The following ATP10A variants were observed in gnomAD, a reference collection of about 807,000 sequenced individuals.
The protein encoded by ATP10A is phospholipid-transporting ATPase VA.
In ATP10A, 111 loss-of-function variants were observed where a neutral mutation model predicts 147.8. The ratio of observed to expected loss-of-function variants is 0.75; its 90% confidence interval spans 0.64 to 0.88. ATP10A has a LOEUF of 0.88. Ranked by LOEUF, ATP10A falls within the 40% of genes least tolerant of loss-of-function variation. ATP10A has a pLI of 0.00. For synonymous variants in ATP10A, 875 were observed against 841.6 expected, an observed-to-expected ratio of 1.04 and a Z score of -0.69; for missense variants, 1,927 against 1,959.0, an observed-to-expected ratio of 0.98 and a Z score of 0.31.
intron 2 of ATP10A, among the ~76,000 whole-genome samples, chr15:25,752,675 G>A (rs945721228): frequency 3.7e-4 from 57 of 152,246 alleles, no homozygotes; most frequent in African/African-American, 1.3e-3. Flanking sequence ...TAAATTTGAG[G>A]ATTGCCTTTT....
intron 9 of ATP10A, among the ~76,000 whole-genome samples, chr15:25,715,784 C>T (rs920204596): frequency 6.6e-6 from 1 of 152,206 alleles, no homozygotes; most frequent in Non-Finnish European, 1.5e-5. Context: ...CACCCCACAT[C>T]GCCTGCGGAG....
intron 2 of ATP10A, among the ~76,000 whole-genome samples, chr15:25,767,394 A>T (rs1889084501): frequency 6.6e-6 from 1 of 152,108 alleles, no homozygotes. Context: ...ACCTGGATGA[A>T]CCAGGGCTCA....
At chr15:25,722,002 CG>C in intron 6 of ATP10A, 93 bp from the exon 7 acceptor site, 1 of 1,375,494 alleles carries the variant, frequency 7.3e-7, no homozygotes, top group Non-Finnish European at 1.0e-6. Context: ...TGACTACAAC[CG>C]CAAGAAAGTA....
At chr15:25,812,396 A>G (rs2140820897) in intron 1 of ATP10A, among the ~76,000 whole-genome samples, 1 of 152,322 alleles carries the variant, frequency 6.6e-6, no homozygotes, top group East Asian at 1.9e-4. Context: ...TGGTTGCTAC[A>G]CAATCACTTT....
chr15:25,798,049 A>C (rs1327820124), intron 1 of ATP10A, among the ~76,000 whole-genome samples: 1 of 152,124 alleles, frequency 6.6e-6, no homozygotes, highest in African/African-American at 2.4e-5. Flanking sequence ...TCAGGGTCAC[A>C]AATCTGGAAT....
intron 2 of ATP10A, among the ~76,000 whole-genome samples, chr15:25,740,391 C>T (rs1219102564): frequency 2.0e-5 from 3 of 152,240 alleles, no homozygotes; most frequent in Non-Finnish European, 4.4e-5. Context: ...AGGTGGAAAT[C>T]TGTGAGTGAG....
intron 9 of ATP10A, among the ~76,000 whole-genome samples, chr15:25,714,769 CA>C (rs1901680456): frequency 6.6e-6 from 1 of 152,002 alleles, no homozygotes; most frequent in Non-Finnish European, 1.5e-5. Flanking sequence ...ATTTTTTTTC[CA>C]ATTAAAAAGT....
intron 1 of ATP10A, among the ~76,000 whole-genome samples, chr15:25,784,688 G>T (rs1567381801): frequency 2.0e-5 from 3 of 152,166 alleles, no homozygotes; most frequent in Non-Finnish European, 4.4e-5. Flanking sequence ...ACTTTGGGAG[G>T]CCAAGACGGG....
rs373248546 is a variant in ATP10A, at chr15:25,795,809, G to T, written c.450-14586C>A. The stretch of plus-strand genomic sequence containing the variant: ...GCGTTAGAGGTGGGGCCTCATGGGA[G>T]GTGTCTGGGTCGTGGGGGTGGATCC... On this transcript the variant is annotated intron_variant, in intron 1 of 20. Coordinates refer to ENST00000555815, the MANE Select transcript of ATP10A (RefSeq NM_024490.4). 9.2e-5 allele frequency among the ~76,000 whole-genome samples: 14 copies of T among 152,296 alleles called. No homozygotes were observed. The East Asian group carries it at 1.2e-3, about 13-fold the overall frequency.
rs1900044761 is a variant in ATP10A at position 25,691,695 on chromosome 15, A to G, written c.3165+20T>C. The G allele has an allele frequency of 1.9e-6, 3 of 1,613,950 alleles. No homozygotes were observed. In the South Asian group the frequency reaches 3.3e-5, roughly 18 times the overall value. On this transcript the variant is annotated intron_variant, in intron 15 of 20. Coordinates refer to ENST00000555815, the MANE Select transcript of ATP10A (RefSeq NM_024490.4). The stretch of plus-strand genomic sequence containing the variant: ...CAGTAGGGCCAATTGGTCACACAGA[A>G]TAGCCTGATTGGTCTTTACCTGCAT...
chr15:25,703,027 G>T (rs748854050), intron 12 of ATP10A, among the ~76,000 whole-genome samples: 3 of 152,112 alleles, frequency 2.0e-5, no homozygotes, highest in Non-Finnish European at 4.4e-5. Flanking sequence ...AGGTCATGAG[G>T]ATGGGGCTCC....
In ATP10A at chr15:25,714,158, T is replaced by C. The variant is rs1567324660; in HGVS notation, c.1860A>G (p.Ser620=). The change falls in exon 10 of 21, where the codon TCA becomes TCG. Residue 620 remains serine (S), a synonymous_variant. Transcript: ENST00000555815. ...LRRFTPSCLT[S]GCSSIGSLAA... is the part of the protein sequence containing the mutation. The stretch of plus-strand genomic sequence containing the variant: ...CCAGGCTCCCGATGCTGCTGCAGCC[T>C]GAGGTCAGGCAGCTGGGTGTGAACC... 1 of 1,610,614 alleles carries C rather than the reference T, an allele frequency of 6.2e-7. No individual in the cohort carries two copies.
intron 1 of ATP10A, among the ~76,000 whole-genome samples, chr15:25,798,140 C>A (rs1194266453): frequency 1.3e-5 from 2 of 152,132 alleles, no homozygotes; most frequent in Non-Finnish European, 1.5e-5. Context: ...TTAAGGAGCT[C>A]CTCAGCTTCA....
At chr15:25,773,889 T>C (rs547501563) in intron 2 of ATP10A, among the ~76,000 whole-genome samples, 1 of 152,068 alleles carries the variant, frequency 6.6e-6, no homozygotes, top group Admixed American at 6.6e-5. Flanking sequence ...TAGTGTTAAC[T>C]GCGTCGATCT....
chr15:25,694,777 G>A lies in ATP10A; in HGVS notation c.3088+42C>T, dbSNP rs750623767. The A allele has an allele frequency of 2.6e-6, 4 of 1,538,808 alleles. No individual in the cohort carries two copies. The Admixed American group carries it at 5.4e-5, about 21-fold the overall frequency. ...GCATGGAAGGGTAGAGGAAGTTTGG[G>A]TCCAGCTGGGAGGAGGCCGTCTGGC... is the stretch of plus-strand genomic sequence containing the variant. On this transcript the variant is annotated intron_variant, in intron 14 of 20. Transcript: ENST00000555815.
intron 1 of ATP10A, among the ~76,000 whole-genome samples, chr15:25,829,843 C>G (rs940028774): frequency 6.6e-6 from 1 of 152,078 alleles, no homozygotes; most frequent in East Asian, 1.9e-4. Context: ...GGTACAGGAC[C>G]CTGTGGGTCA....
Position 25,700,670 on chromosome 15 carries a change from A to G in ATP10A, c.2760+1246T>C, listed in dbSNP as rs187039521. 2.0e-3 allele frequency among the ~76,000 whole-genome samples: 308 copies of G among 152,278 alleles called. 2 individuals carry two copies. The highest frequency in any genetic ancestry group is 0.015 in the South Asian group (70 of 4,820). On this transcript the variant is annotated intron_variant, in intron 13 of 20. Transcript: ENST00000555815. ...CAGATTGGTGGCTTCCAGAGGTTAG[A>G]AAAGGAGGGAAGTTACAATTGCACG...
Position 25,679,973 on chromosome 15 carries a change from A to G in ATP10A, c.3868T>C (p.Leu1290=), listed in dbSNP as rs776597893. 1.1e-5 allele frequency: 17 copies of G among 1,591,380 alleles called. No individual in the cohort carries two copies. The highest frequency in any genetic ancestry group is 3.4e-5 in the Admixed American group (2 of 58,346). The change falls in exon 21 of 21, where the codon TTG becomes CTG. Residue 1290 remains leucine, a splice_region_variant and synonymous_variant. Transcript: ENST00000555815. ...CTCCCCTGGAGGGATCTGAAAAACA[A>G]TCTAGAAAAAGTACATTAAAACAAA... ...MTPVAALLPR[L]FFRSLQGRVF...
At chr15:25,789,201 T>A (rs375205722) in intron 1 of ATP10A, among the ~76,000 whole-genome samples, 1 of 152,124 alleles carries the variant, frequency 6.6e-6, no homozygotes, top group Non-Finnish European at 1.5e-5. Context: ...GGCTCAAATA[T>A]CCACCTGACT....
Sources: gnomAD v4.1 joint callset for allele counts (sites outside exome capture counted in the v4.1 genomes callset) on GRCh38, gnomAD v4.1.1 for gene constraint, MANE v1.5 for transcripts, NCBI Gene and HGNC (gene_info 2026-07-23, HGNC 2026-07-21) for gene names.